The following NREP variants were observed in gnomAD, a reference collection of about 807,000 sequenced individuals.
NREP encodes the protein neuronal regeneration related protein, also known as neuronal regeneration-related protein.
In NREP, 5 loss-of-function variants were observed where a neutral mutation model predicts 8.6. The ratio of observed to expected loss-of-function variants is 0.58; its 90% confidence interval spans 0.30 to 1.22. The LOEUF is 1.22. Ranked by LOEUF, NREP falls within the 50% of genes most tolerant of loss-of-function variation. NREP has a pLI of 0.07. For synonymous variants in NREP, 27 were observed against 28.0 expected (o/e 0.96, Z 0.11); for missense variants, 86 against 82.5 (o/e 1.04, Z -0.17).
intron 2 of NREP, among the ~76,000 whole-genome samples, chr5:111,893,692 A>G (rs1249955331): frequency 6.6e-6 from 1 of 150,838 alleles, no homozygotes; most frequent in Non-Finnish European, 1.5e-5. Flanking sequence ...TTTAACCCTT[A>G]AGATAGATGC....
intron 2 of NREP, among the ~76,000 whole-genome samples, chr5:111,954,329 AT>A: frequency 6.6e-6 from 1 of 152,238 alleles, no homozygotes. Context: ...AAAAAGAGAA[AT>A]TTCTAGGCAA....
chr5:111,761,115 G>A (rs1312968127), upstream of NREP, among the ~76,000 whole-genome samples: 3 of 152,132 alleles, frequency 2.0e-5, no homozygotes, highest in Non-Finnish European at 4.4e-5. Flanking sequence ...TCTTTCAGTT[G>A]GAGTTCATAC....
intron 2 of NREP, among the ~76,000 whole-genome samples, chr5:111,767,916 C>T (rs190524725): frequency 1.1e-3 from 174 of 152,218 alleles, no homozygotes; most frequent in Non-Finnish European, 1.8e-3. Flanking sequence ...CCTCCTGCCT[C>T]GGCCTCCTAA....
At chr5:111,797,099 A>G (rs1256196441) in intron 2 of NREP, among the ~76,000 whole-genome samples, 1 of 152,152 alleles carries the variant, frequency 6.6e-6, no homozygotes, top group Non-Finnish European at 1.5e-5. Flanking sequence ...ATAGATAGAT[A>G]GATAGATAGA....
chr5:111,835,128 G>C (rs1175711511), intron 2 of NREP, among the ~76,000 whole-genome samples: 1 of 152,140 alleles, frequency 6.6e-6, no homozygotes, highest in Non-Finnish European at 1.5e-5. Flanking sequence ...AGGAAAGTTA[G>C]TTGATTTCCT....
chr5:111,741,169 C>T (rs1045245147), intron 2 of NREP, among the ~76,000 whole-genome samples: 2 of 152,158 alleles, frequency 1.3e-5, no homozygotes, highest in Non-Finnish European at 2.9e-5. Context: ...GCGTATCTGT[C>T]TCCTGCAATT....
chr5:111,945,792 C>A (rs1755962148), intron 2 of NREP, among the ~76,000 whole-genome samples: 14 of 151,668 alleles, frequency 9.2e-5, no homozygotes, highest in Admixed American at 9.2e-4. Flanking sequence ...TCAGGATCTG[C>A]TTCATTCTCA....
chr5:111,944,231 T>C (rs984602076), intron 2 of NREP, among the ~76,000 whole-genome samples: 2 of 152,108 alleles, frequency 1.3e-5, no homozygotes, highest in Non-Finnish European at 2.9e-5. Context: ...ATCAGTACAA[T>C]TGTTAGGTTT....
intron 2 of NREP, among the ~76,000 whole-genome samples, chr5:111,841,490 G>C (rs1046533376): frequency 1.3e-5 from 2 of 152,144 alleles, no homozygotes; most frequent in Non-Finnish European, 2.9e-5. Context: ...TAGACCAATA[G>C]GATATAAGGC....
At chr5:111,847,370 G>A (rs776001165) in intron 2 of NREP, among the ~76,000 whole-genome samples, 4 of 152,062 alleles carry the variant, frequency 2.6e-5, no homozygotes, top group Non-Finnish European at 5.9e-5. Context: ...TACTATGTGG[G>A]CTGTAACCCT....
At chr5:111,740,277 C>G (rs558045728) in intron 2 of NREP, among the ~76,000 whole-genome samples, 2 of 152,016 alleles carry the variant, frequency 1.3e-5, no homozygotes, top group African/African-American at 4.8e-5. Context: ...TTAGGAAATA[C>G]CAATTTTATG....
intron 2 of NREP, among the ~76,000 whole-genome samples, chr5:111,798,241 G>C (rs542975361): frequency 6.6e-6 from 1 of 152,054 alleles, no homozygotes. Context: ...AGATCATAGA[G>C]AAATGAAAAA....
chr5:111,779,899 T>C (rs1052610662), intron 2 of NREP, among the ~76,000 whole-genome samples: 3 of 152,134 alleles, frequency 2.0e-5, no homozygotes, highest in Non-Finnish European at 4.4e-5. Flanking sequence ...TGATTTTTTA[T>C]TATTTTTATT....
chr5:111,906,344 T>C (rs1754777914), intron 2 of NREP, among the ~76,000 whole-genome samples: 1 of 152,090 alleles, frequency 6.6e-6, no homozygotes, highest in East Asian at 1.9e-4. Context: ...TTGGATTTTG[T>C]CAGAACTTTA....
chr5:111,803,288 G>T (rs1752060783), intron 2 of NREP, among the ~76,000 whole-genome samples: 1 of 152,164 alleles, frequency 6.6e-6, no homozygotes, highest in South Asian at 2.1e-4. Context: ...AAATAGAGAA[G>T]ATCTTGGCAA....
intron 2 of NREP, among the ~76,000 whole-genome samples, chr5:111,878,815 CT>C (rs1269760920): frequency 6.6e-6 from 1 of 152,178 alleles, no homozygotes; most frequent in African/African-American, 2.4e-5. Flanking sequence ...CATCTGCAAG[CT>C]TCAGATGCTC....
At chr5:111,856,414 ATATTCT>A (rs999523461) in intron 2 of NREP, among the ~76,000 whole-genome samples, 1 of 152,130 alleles carries the variant, frequency 6.6e-6, no homozygotes, top group African/African-American at 2.4e-5. Context: ...CAAAAAACTC[ATATTCT>A]TATATTAAAG....
chr5:111,828,831 T>C (rs530582891), intron 2 of NREP, among the ~76,000 whole-genome samples: 2 of 152,264 alleles, frequency 1.3e-5, no homozygotes, highest in Admixed American at 6.5e-5. Context: ...AGGTTTGAAA[T>C]AGGTAGAGGA....
At chr5:111,904,886 G>T (rs1262620567) in intron 2 of NREP, among the ~76,000 whole-genome samples, 1 of 151,968 alleles carries the variant, frequency 6.6e-6, no homozygotes, top group Admixed American at 6.6e-5. Context: ...TGTCTCTCAG[G>T]CTCATTCAGC....
Sources: allele counts gnomAD v4.1 joint callset (sites outside exome capture counted in the v4.1 genomes callset), GRCh38; gene constraint gnomAD v4.1.1; transcripts MANE v1.5; gene names NCBI Gene and HGNC (gene_info 2026-07-23, HGNC 2026-07-21).